COPB2: variants seen among roughly 807,000 people sequenced by gnomAD.
COPB2 encodes coat protein complex I subunit beta 2.
In COPB2, 16 loss-of-function variants were observed where a neutral mutation model predicts 120.8. The ratio of observed to expected loss-of-function variants is 0.13; its 90% confidence interval spans 0.09 to 0.20. COPB2 has a LOEUF of 0.20. COPB2 is among the 10% of genes least tolerant of loss of function. The probability of loss-of-function intolerance (pLI) is 1.00; values close to 1 mark genes in which losing one functional copy is unlikely to be tolerated. For synonymous variants in COPB2, 332 were observed against 366.3 expected, an observed-to-expected ratio of 0.91 and a Z score of 1.07; for missense variants, 794 against 1,076.5, an observed-to-expected ratio of 0.74 and a Z score of 3.67.
chr3:139,358,857 A>T, intron 19 of COPB2, 45 bp from the exon 20 acceptor site: 1 of 1,571,970 alleles, frequency 6.4e-7, no homozygotes, highest in Non-Finnish European at 8.8e-7. Context: ...TTCTGAAATC[A>T]TAATTTACCT....
chr3:139,367,006 C>T lies in COPB2; in HGVS notation c.1676+9G>A, dbSNP rs1372504303. The T allele has an allele frequency of 6.2e-7, 1 of 1,602,970 alleles. No homozygotes were observed. On this transcript the variant is annotated intron_variant, in intron 14 of 21. Transcript: ENST00000333188. ...AATTTAGGACAAATGCAAAATGATA[C>T]TCAGGTACCTGTCCAAGTGGGCAAT...
At position 139,366,793 on chromosome 3, in the gene COPB2, A is replaced by G. The variant is rs1484757220; in HGVS notation, c.1677-18T>C. On this transcript the variant is annotated intron_variant, in intron 14 of 21. Transcript: ENST00000333188. ...ACATCGTCCTATAAAAGAAACAGAA[A>G]CCAAGTTAGAAATTCAAATCTGCAA... 1.9e-6 allele frequency: 3 copies of G among 1,607,194 alleles called. No homozygotes were observed.
At chr3:139,379,232 C>G in intron 3 of COPB2, 59 bp from the exon 4 acceptor site, 1 of 1,555,358 alleles carries the variant, frequency 6.4e-7, no homozygotes. Context: ...TACAAAAAAA[C>G]TATATCACAG....
chr3:139,379,724 C>T, intron 2 of COPB2: 1 of 368,988 alleles, frequency 2.7e-6, no homozygotes. Context: ...TGTGCTCCAG[C>T]CCTTCCCTCC....
intron 4 of COPB2, among the ~76,000 whole-genome samples, chr3:139,378,724 A>G (rs1173705024): frequency 6.6e-6 from 1 of 152,268 alleles, no homozygotes; most frequent in African/African-American, 2.4e-5. Flanking sequence ...GATTGAACTG[A>G]ATAGGGTCTA....
At chr3:139,389,254 G>A (rs1942001742) in intron 1 of COPB2, among the ~76,000 whole-genome samples, 1 of 152,136 alleles carries the variant, frequency 6.6e-6, no homozygotes, top group African/African-American at 2.4e-5. Flanking sequence ...CGGCTTCTGT[G>A]TTTCCCTACA....
rs772313542 is a variant in COPB2, at chr3:139,383,426, G to T, written c.13C>A (p.Leu5Ile). 6.4e-7 allele frequency: 1 copy of T among 1,558,750 alleles called. No individual in the cohort carries two copies. Among genetic ancestry groups the T allele is most frequent in the South Asian group, 1.2e-5 (1 of 81,294 alleles). Reference protein sequence around the residue: MPLRLDIKRKLTARS... With the variant: MPLRIDIKRKLTARS... ...GCAGTTAGCTTTCTTTTGATATCAA[G>T]TCGCAGAGGCTAAAAAGAAACATTA... The change falls in exon 2 of 22, where the codon CTT (leucine) becomes ATT (isoleucine). Residue 5 changes from leucine (L) to isoleucine (I), a missense_variant. Transcript: ENST00000333188.
At chr3:139,358,644 G>C (rs997675168) in intron 20 of COPB2, 100 bp downstream of exon 20, 14 of 830,070 alleles carry the variant, frequency 1.7e-5, no homozygotes, top group Non-Finnish European at 2.8e-5. Flanking sequence ...TCGCGCCACT[G>C]CACTCCAGCC....
intron 1 of COPB2, among the ~76,000 whole-genome samples, chr3:139,388,036 G>A (rs541217280): frequency 6.6e-6 from 1 of 152,008 alleles, no homozygotes; most frequent in Non-Finnish European, 1.5e-5. Context: ...TTCCACAAAG[G>A]ATTTAAAATA....
In COPB2 at chr3:139,366,754, G is replaced by A. The variant is rs751573022; in HGVS notation, c.1698C>T (p.Tyr566=). 6.2e-7 allele frequency: 1 copy of A among 1,613,908 alleles called. No individual in the cohort carries two copies. The highest frequency in any genetic ancestry group is 8.5e-7 in the Non-Finnish European group (1 of 1,179,882). ...HLDRTMYLLG[Y]IPKDNRLYLG... ...GATAAAGCCTGTTGTCTTTAGGAAT[G>A]TAGCCTAGGAGATACATCGTCCTAT... Residue 566 remains tyrosine (Y), a synonymous_variant, in exon 15 of 22, where the codon TAC becomes TAT. Transcript: ENST00000333188.
intron 5 of COPB2, 53 bp downstream of exon 5, chr3:139,377,988 G>A: frequency 6.9e-7 from 1 of 1,446,874 alleles, no homozygotes; most frequent in Non-Finnish European, 9.3e-7. Flanking sequence ...AAACACCTAA[G>A]GCAAGTATAG....
chr3:139,372,098 A>G (rs1490661754), intron 9 of COPB2, among the ~76,000 whole-genome samples: 1 of 152,256 alleles, frequency 6.6e-6, no homozygotes, highest in Non-Finnish European at 1.5e-5. Context: ...AAATAAAGGC[A>G]ACTGGAGGCA....
chr3:139,371,852 A>C lies in COPB2; in HGVS notation c.1095-19T>G. On this transcript the variant is annotated intron_variant, in intron 9 of 21. Coordinates refer to ENST00000333188, the MANE Select transcript of COPB2 (RefSeq NM_004766.3). ...CACAAACCTAGAAATCACAGAAGCC[A>C]GGGAGGGAAGTACAGAGGACCAAAG... is the stretch of plus-strand genomic sequence containing the variant. 6.2e-7 allele frequency: 1 copy of C among 1,602,712 alleles called. No homozygotes were observed. The highest frequency in any genetic ancestry group is 1.3e-5 in the African/African-American group (1 of 74,840).
In COPB2 at chr3:139,371,712, T is replaced by A. The variant is rs746028540; in HGVS notation, c.1205+11A>T. On this transcript the variant is annotated intron_variant, in intron 10 of 21. Transcript: ENST00000333188. ...TCAGGGCATGCTGGCTATCATACAA[T>A]CAAAACTTACTCTGAAGAATCGTGG... 14 of 1,611,476 alleles carry A rather than the reference T, an allele frequency of 8.7e-6. No individual in the cohort carries two copies. The African/African-American group carries it at 1.6e-4, about 18-fold the overall frequency.
chr3:139,386,035 T>C (rs1224271633), intron 1 of COPB2, among the ~76,000 whole-genome samples: 2 of 152,210 alleles, frequency 1.3e-5, no homozygotes, highest in South Asian at 2.1e-4. Context: ...GACAACTTCC[T>C]GAGACAAAAC....
chr3:139,363,991 T>C (rs1435637819), intron 15 of COPB2, among the ~76,000 whole-genome samples: 3 of 152,130 alleles, frequency 2.0e-5, no homozygotes, highest in East Asian at 1.9e-4. Flanking sequence ...GACTAAAATA[T>C]ATACTTTTGT....
At chr3:139,367,291 GA>G in intron 13 of COPB2, 146 bp from the exon 14 acceptor site, 1 of 983,456 alleles carries the variant, frequency 1.0e-6, no homozygotes, top group Non-Finnish European at 1.4e-6. Flanking sequence ...ATTTTCCTTG[GA>G]ATTTTTTTTT....
intron 12 of COPB2, 61 bp from the exon 13 acceptor site, chr3:139,368,349 C>T (rs989864537): frequency 6.6e-6 from 10 of 1,504,960 alleles, no homozygotes; most frequent in African/African-American, 4.2e-5. Flanking sequence ...TGACAAACTG[C>T]ACATACTTGG....
At chr3:139,380,521 T>C (rs922832482) in intron 2 of COPB2, 3 of 151,786 alleles carry the variant, frequency 2.0e-5, no homozygotes, top group Non-Finnish European at 4.4e-5. Flanking sequence ...GCAGAGATCA[T>C]GGTACCTCTT....
Sources: allele counts gnomAD v4.1 joint callset (sites outside exome capture counted in the v4.1 genomes callset), GRCh38; gene constraint gnomAD v4.1.1; transcripts MANE v1.5; gene names NCBI Gene and HGNC (gene_info 2026-07-23, HGNC 2026-07-21).